The following SLC30A1 variants were observed in gnomAD, a reference collection of about 807,000 sequenced individuals.
The protein encoded by SLC30A1 is proton-coupled zinc antiporter SLC30A1.
A neutral mutation model predicts 29.8 loss-of-function variants in SLC30A1; 7 were observed. That is an observed-to-expected ratio of 0.23 (90% CI 0.13 to 0.44). The LOEUF is 0.44. SLC30A1 is among the 20% of genes least tolerant of loss of function. The probability of loss-of-function intolerance (pLI) is 1.00; values close to 1 mark genes in which losing one functional copy is unlikely to be tolerated. For synonymous variants in SLC30A1, 254 were observed against 253.5 expected, an observed-to-expected ratio of 1.00 and a Z score of -0.02; for missense variants, 446 against 647.9, an observed-to-expected ratio of 0.69 and a Z score of 3.38.
Position 211,575,824 on chromosome 1 carries a change from A to G in SLC30A1, c.1088T>C (p.Val363Ala). The G allele has an allele frequency of 3.1e-6, 5 of 1,614,104 alleles. No homozygotes were observed. The highest frequency in any genetic ancestry group is 4.2e-6 in the Non-Finnish European group (5 of 1,179,988). ...TTCATGAACTTCCTCAACTCCTTCA[A>G]CATTTCGAAGTTCTTTTATCAAATT... ...IRNLIKELRN[V>A]EGVEEVHELH... is the part of the protein sequence containing the mutation. Residue 363 changes from valine (V) to alanine (A), a missense_variant, in exon 2 of 2, where the codon GTT becomes GCT. Transcript: ENST00000367001. This position sits in a 1 kb window ranked among gnomAD's most constrained non-coding sequence, Gnocchi z 6.0.
In SLC30A1 at chr1:211,576,042, G is replaced by A; in HGVS notation, c.870C>T (p.Pro290=). 1 of 1,613,316 alleles carries A rather than the reference G, an allele frequency of 6.2e-7. No individual in the cohort carries two copies. Among genetic ancestry groups the A allele is most frequent in the Non-Finnish European group, 8.5e-7 (1 of 1,179,752 alleles). The change falls in exon 2 of 2, where the codon CCC becomes CCT. Residue 290 remains proline (P), a synonymous_variant. Coordinates refer to ENST00000367001, the MANE Select transcript of SLC30A1 (RefSeq NM_021194.3). The part of the protein sequence containing the change: ...DFCVNPCFPD[P]CKAFVEIINS... ...TAATTATTTCTACAAATGCTTTGCA[G>A]GGGTCAGGGAAACATGGATTCACAC...
In SLC30A1 at chr1:211,572,454, A is replaced by G. The variant is rs1437817454; in HGVS notation, c.*2934T>C. On this transcript the variant is annotated 3_prime_UTR_variant, in exon 2 of 2. Transcript: ENST00000367001. ...CACCAGTTAACATACGAAATACTTC[A>G]CATTAGGTTCCATAGGTCTTTTCCC... 6.6e-6 allele frequency: 1 copy of G among 152,106 alleles called. No homozygotes were observed. Among genetic ancestry groups the G allele is most frequent in the African/African-American group, 2.4e-5 (1 of 41,454 alleles). The allele number at this position is 152,106 out of a possible 1,614,324, so 9.4% of individuals were successfully genotyped here. A position where few individuals can be genotyped will look rare whatever the true frequency, so the allele number is the denominator to read the frequency against.
In SLC30A1 at chr1:211,573,339, G is replaced by C. The variant is rs1037285445; in HGVS notation, c.*2049C>G. ...CACTTTTGAAAAACAAACAAACATA[G>C]CCCTTGTCCTATGCTTATATACCAT... is the stretch of plus-strand genomic sequence containing the variant. On this transcript the variant is annotated 3_prime_UTR_variant, in exon 2 of 2. Coordinates refer to ENST00000367001, the MANE Select transcript of SLC30A1 (RefSeq NM_021194.3). The C allele has an allele frequency of 1.3e-5, 2 of 151,906 alleles. No homozygotes were observed. Among genetic ancestry groups the C allele is most frequent in the Non-Finnish European group, 2.9e-5 (2 of 67,860 alleles). The allele number at this position is 151,906 out of a possible 1,614,324, so 9.4% of individuals were successfully genotyped here. A position where few individuals can be genotyped will look rare whatever the true frequency, so the allele number is the denominator to read the frequency against.
In SLC30A1 at chr1:211,575,246, T is replaced by C. The variant is rs1253969394; in HGVS notation, c.*142A>G. On this transcript the variant is annotated 3_prime_UTR_variant, in exon 2 of 2. Coordinates refer to ENST00000367001, the MANE Select transcript of SLC30A1 (RefSeq NM_021194.3). The surrounding 1 kb of genome is among the most constrained non-coding windows in gnomAD (Gnocchi z 6.0). ...TATAGAACTCTGTTATGCAGTCCCATTATGTTCTTACAAAAATAGAATTAA... is the reference window on the plus strand; with the variant it reads ...TATAGAACTCTGTTATGCAGTCCCACTATGTTCTTACAAAAATAGAATTAA... The C allele has an allele frequency of 4.2e-6, 3 of 709,838 alleles. No individual in the cohort carries two copies. The highest frequency in any genetic ancestry group is 7.2e-6 in the Non-Finnish European group (3 of 417,082). The allele number at this position is 709,838 out of a possible 1,614,324, so 44.0% of individuals were successfully genotyped here.
chr1:211,578,340 G>A lies in SLC30A1; in HGVS notation c.273C>T (p.Gly91=). 2 of 1,613,772 alleles carry A rather than the reference G, an allele frequency of 1.2e-6. No homozygotes were observed. Among genetic ancestry groups the A allele is most frequent in the African/African-American group, 1.3e-5 (1 of 75,058 alleles). The part of the protein sequence containing the change: ...GALVNAIFLT[G]LCFAILLEAI... ...CCTCCAGCAGGATGGCGAAACAGAG[G>A]CCAGTCAGGAAGATGGCGTTCACCA... Residue 91 remains glycine (G), a synonymous_variant, in exon 1 of 2, where the codon GGC becomes GGT. Transcript: ENST00000367001.
At position 211,578,412 on chromosome 1, in the gene SLC30A1, G is replaced by A; in HGVS notation, c.201C>T (p.Thr67=). Residue 67 remains threonine, a synonymous_variant, in exon 1 of 2, where the codon ACC becomes ACT. Coordinates refer to ENST00000367001, the MANE Select transcript of SLC30A1 (RefSeq NM_021194.3). ...AERFARRTHA[T]QKNTFGWIRA... ...GGATCCAGCCGAACGTGTTCTTCTG[G>A]GTGGCGTGGGTCCGCCGGGCGAAGC... The A allele has an allele frequency of 2.5e-6, 4 of 1,613,214 alleles. No individual in the cohort carries two copies. The highest frequency in any genetic ancestry group is 3.4e-6 in the Non-Finnish European group (4 of 1,179,778).
chr1:211,573,244 A>G lies in SLC30A1; in HGVS notation c.*2144T>C, dbSNP rs1403429933. ...AAAAAGAAAATCCTATGGTACCACC[A>G]TTATATATAAGCTACTTAAAAATTA... On this transcript the variant is annotated 3_prime_UTR_variant, in exon 2 of 2. Transcript: ENST00000367001. 1 of 152,114 alleles carries G rather than the reference A, an allele frequency of 6.6e-6. No individual in the cohort carries two copies. Among genetic ancestry groups the G allele is most frequent in the Non-Finnish European group, 1.5e-5 (1 of 67,932 alleles). The allele number at this position is 152,114 out of a possible 1,614,324, so 9.4% of individuals were successfully genotyped here.
In SLC30A1 at chr1:211,579,006, G is replaced by T. The variant is rs533384187; in HGVS notation, c.-394C>A. On this transcript the variant is annotated 5_prime_UTR_variant, in exon 1 of 2. Transcript: ENST00000367001. Reference sequence around the variant, plus strand: ...CGGCGGGCGAGGGCGGCAGGAGAGGGCGACGGGCAGCTTCGCGCCGAGAAA... The same window carrying T: ...CGGCGGGCGAGGGCGGCAGGAGAGGTCGACGGGCAGCTTCGCGCCGAGAAA... 1.1e-3 allele frequency among the ~76,000 whole-genome samples: 160 copies of T among 152,248 alleles called. No individual in the cohort carries two copies. Among genetic ancestry groups the T allele is most frequent in the African/African-American group, 3.8e-3 (156 of 41,562 alleles).
rs1414660208 is a variant in SLC30A1, at chr1:211,575,076, C to T, written c.*312G>A. 1.5e-5 allele frequency: 3 copies of T among 193,760 alleles called. No homozygotes were observed. The highest frequency in any genetic ancestry group is 3.1e-5 in the Non-Finnish European group (3 of 95,900). The allele number at this position is 193,760 out of a possible 1,614,324, so 12.0% of individuals were successfully genotyped here. A position where few individuals can be genotyped will look rare whatever the true frequency, so the allele number is the denominator to read the frequency against. ...TTTTATTTATCCCCCTAATTTTTATCATGGGAAAAATCCAGAAATCAAATG... is the reference window on the plus strand; with the variant it reads ...TTTTATTTATCCCCCTAATTTTTATTATGGGAAAAATCCAGAAATCAAATG... On this transcript the variant is annotated 3_prime_UTR_variant, in exon 2 of 2. Coordinates refer to ENST00000367001, the MANE Select transcript of SLC30A1 (RefSeq NM_021194.3). This position sits in a 1 kb window ranked among gnomAD's most constrained non-coding sequence, Gnocchi z 6.0.
Position 211,576,276 on chromosome 1 carries a change from G to T in SLC30A1, c.636C>A (p.Pro212=). Residue 212 remains proline (P), a synonymous_variant, in exon 2 of 2, where the codon CCC becomes CCA. Transcript: ENST00000367001. ...LKLDPADPEN[P]RSGDTVEVQV... is the part of the protein sequence containing the mutation. ...GTACTTCCACTGTATCACCACTTCTGGGGTTTTCTGGGTCTACAAAGAAAT... is the reference window on the plus strand; with the variant it reads ...GTACTTCCACTGTATCACCACTTCTTGGGTTTTCTGGGTCTACAAAGAAAT... 2 of 1,572,062 alleles carry T rather than the reference G, an allele frequency of 1.3e-6. No individual in the cohort carries two copies. Among genetic ancestry groups the T allele is most frequent in the Non-Finnish European group, 1.7e-6 (2 of 1,162,406 alleles).
rs1265294537 is a variant in SLC30A1 at position 211,575,370 on chromosome 1, T to C, written c.*18A>G. ...TGCAGTTTAAAGCAAAAGTCAAATA[T>C]CACATCTTTTTCAAGACTCACAAAG... On this transcript the variant is annotated 3_prime_UTR_variant, in exon 2 of 2. Transcript: ENST00000367001. This position sits in a 1 kb window ranked among gnomAD's most constrained non-coding sequence, Gnocchi z 6.0. 3 of 1,549,432 alleles carry C rather than the reference T, an allele frequency of 1.9e-6. No homozygotes were observed. The African/African-American group carries it at 4.2e-5, about 21-fold the overall frequency.
rs1057002785 is a variant in SLC30A1 at position 211,575,942 on chromosome 1, T to C, written c.970A>G (p.Met324Val). ...LYLDPTLCVV[M>V]VCILLYTTYP... ...GTTGTGTAAAGAAGTATACAAACCA[T>C]TACAACACAAAGAGTTGGATCTAAA... The change falls in exon 2 of 2, where the codon ATG (methionine) becomes GTG (valine). Residue 324 changes from methionine to valine, a missense_variant. By Grantham distance (21) the Met-to-Val change is conservative. Around this residue, in one of 5 missense-constraint regions of SLC30A1, gnomAD observed 187 missense variants for 312.7 expected, o/e 0.60. Coordinates refer to ENST00000367001, the MANE Select transcript of SLC30A1 (RefSeq NM_021194.3). This position sits in a 1 kb window ranked among gnomAD's most constrained non-coding sequence, Gnocchi z 6.0. The C allele has an allele frequency of 6.2e-7, 1 of 1,613,364 alleles. No individual in the cohort carries two copies. Among genetic ancestry groups the C allele is most frequent in the Non-Finnish European group, 8.5e-7 (1 of 1,179,624 alleles).
rs1408101684 is a variant in SLC30A1 at position 211,571,794 on chromosome 1, A to AT, written c.*3593dup. 6.6e-5 allele frequency: 10 copies of AT among 152,224 alleles called. No individual in the cohort carries two copies. Among genetic ancestry groups the AT allele is most frequent in the African/African-American group, 1.7e-4 (7 of 41,464 alleles). The allele number at this position is 152,224 out of a possible 1,614,324, so 9.4% of individuals were successfully genotyped here. ...ATCTGCATCTGTATTTAATGAGATGATAACTGCATTTAACTGGCCCACATC... is the reference window on the plus strand; with the variant it reads ...ATCTGCATCTGTATTTAATGAGATGATTAACTGCATTTAACTGGCCCACATC... On this transcript the variant is annotated 3_prime_UTR_variant, in exon 2 of 2. Coordinates refer to ENST00000367001, the MANE Select transcript of SLC30A1 (RefSeq NM_021194.3).
chr1:211,578,900 AC>A lies in SLC30A1; in HGVS notation c.-289del. Reference sequence around the variant, plus strand: ...CCGGCTCAGCCTCAGCAGCCCCCACACCCAGGCGGCGGCGGTGGCGGGGAGC... The same window carrying A: ...CCGGCTCAGCCTCAGCAGCCCCCACACCAGGCGGCGGCGGTGGCGGGGAGC... On this transcript the variant is annotated 5_prime_UTR_variant, in exon 1 of 2. It introduces an in-frame stop codon into an upstream open reading frame of the 5' UTR. Transcript: ENST00000367001. 6.6e-6 allele frequency among the ~76,000 whole-genome samples: 1 copy of A among 151,714 alleles called. No individual in the cohort carries two copies. The highest frequency in any genetic ancestry group is 2.1e-4 in the South Asian group (1 of 4,810).
Position 211,575,696 on chromosome 1 carries a change from C to T in SLC30A1, c.1216G>A (p.Val406Ile), listed in dbSNP as rs41283138. ...YMEVAKTIKD[V>I]FHNHGIHATT... Reference sequence around the variant, plus strand: ...GCGTGAATTCCGTGATTATGAAAAACGTCTTTAATGGTTTTAGCCACCTCC... The same window carrying T: ...GCGTGAATTCCGTGATTATGAAAAATGTCTTTAATGGTTTTAGCCACCTCC... Residue 406 changes from valine to isoleucine, a missense_variant, in exon 2 of 2, where the codon GTT (valine) becomes ATT (isoleucine). Transcript: ENST00000367001. This position sits in a 1 kb window ranked among gnomAD's most constrained non-coding sequence, Gnocchi z 6.0. 1.3e-4 allele frequency: 211 copies of T among 1,614,182 alleles called. No homozygotes were observed. Among genetic ancestry groups the T allele is most frequent in the Non-Finnish European group, 1.7e-4 (202 of 1,180,030 alleles).
chr1:211,578,602 C>A lies in SLC30A1; in HGVS notation c.11G>T (p.Trp4Leu). Residue 4 changes from tryptophan (W) to leucine (L), a missense_variant, in exon 1 of 2, where the codon TGG (tryptophan) becomes TTG (leucine). Trp to Leu is a moderately conservative substitution (Grantham distance 61). Transcript: ENST00000367001. Reference protein sequence around the residue: MGCWGRNRGRLLCM... With the variant: MGCLGRNRGRLLCM... ...CAGCAGCCGGCCCCGGTTCCGACCCCAACACCCCATGGCTGCGGCTGCGGG... is the reference window on the plus strand; with the variant it reads ...CAGCAGCCGGCCCCGGTTCCGACCCAAACACCCCATGGCTGCGGCTGCGGG... 6.3e-7 allele frequency: 1 copy of A among 1,594,822 alleles called. No individual in the cohort carries two copies. The highest frequency in any genetic ancestry group is 2.2e-5 in the East Asian group (1 of 44,552).
chr1:211,572,137 C>G lies in SLC30A1; in HGVS notation c.*3251G>C, dbSNP rs1230004120. 6.6e-6 allele frequency: 1 copy of G among 152,064 alleles called. No homozygotes were observed. Among genetic ancestry groups the G allele is most frequent in the Non-Finnish European group, 1.5e-5 (1 of 67,940 alleles). 9.4% of individuals were successfully genotyped at this position (152,064 alleles called of 1,614,324 possible). On this transcript the variant is annotated 3_prime_UTR_variant, in exon 2 of 2. Coordinates refer to ENST00000367001, the MANE Select transcript of SLC30A1 (RefSeq NM_021194.3). ...TTAGTAAAACAAAATAGCATTACCACATAGTATCGGTAGAGCTACATCAAA... is the reference window on the plus strand; with the variant it reads ...TTAGTAAAACAAAATAGCATTACCAGATAGTATCGGTAGAGCTACATCAAA...
In SLC30A1 at chr1:211,577,387, C is replaced by CCTAAAT. The variant is rs1225832884; in HGVS notation, c.622+598_622+603dup. On this transcript the variant is annotated intron_variant, in intron 1 of 1. Transcript: ENST00000367001. This position sits in a 1 kb window ranked among gnomAD's most constrained non-coding sequence, Gnocchi z 4.5. Reference sequence around the variant, plus strand: ...AAATGTTAAACATGCCCAGACAGGTCCTAAATCTATGATTTCCAGGATTAG... The same window carrying CCTAAAT: ...AAATGTTAAACATGCCCAGACAGGTCCTAAATCTAAATCTATGATTTCCAGGATTAG... 6.6e-6 allele frequency among the ~76,000 whole-genome samples: 1 copy of CCTAAAT among 152,198 alleles called. No individual in the cohort carries two copies. The highest frequency in any genetic ancestry group is 1.5e-5 in the Non-Finnish European group (1 of 68,030).
chr1:211,574,447 T>C lies in SLC30A1; in HGVS notation c.*941A>G, dbSNP rs905236842. ...CCATTTAAATCCATTCATGATTGGTTATCATGAAATGACCTTGAAAATTTT... is the reference window on the plus strand; with the variant it reads ...CCATTTAAATCCATTCATGATTGGTCATCATGAAATGACCTTGAAAATTTT... On this transcript the variant is annotated 3_prime_UTR_variant, in exon 2 of 2. Coordinates refer to ENST00000367001, the MANE Select transcript of SLC30A1 (RefSeq NM_021194.3). 6.6e-6 allele frequency: 1 copy of C among 152,156 alleles called. No individual in the cohort carries two copies. Among genetic ancestry groups the C allele is most frequent in the African/African-American group, 2.4e-5 (1 of 41,466 alleles). The allele number at this position is 152,156 out of a possible 1,614,324, so 9.4% of individuals were successfully genotyped here. A position where few individuals can be genotyped will look rare whatever the true frequency, so the allele number is the denominator to read the frequency against.
Sources: allele counts gnomAD v4.1 joint callset (sites outside exome capture counted in the v4.1 genomes callset), GRCh38; gene constraint gnomAD v4.1.1; regional missense constraint gnomAD v4.1.1; non-coding constraint Gnocchi (gnomAD v3.1); transcripts MANE v1.5; gene names NCBI Gene and HGNC (gene_info 2026-07-23, HGNC 2026-07-21).